The following SESN3 variants were observed in gnomAD, a reference collection of about 807,000 sequenced individuals.
The protein encoded by SESN3 is sestrin-3.
Under a neutral mutation model 55.3 loss-of-function variants are expected in SESN3, and 21 were observed. The ratio of observed to expected loss-of-function variants is 0.38; its 90% CI spans 0.27 to 0.55. SESN3 has a LOEUF of 0.55. Ranked by LOEUF, SESN3 falls within the 20% of genes least tolerant of loss-of-function variation. The pLI is 0.76. For synonymous variants in SESN3, 181 were observed against 203.1 expected (o/e 0.89, Z 0.93); for missense variants, 408 against 604.3 (o/e 0.68, Z 3.41).
At chr11:95,227,093 C>T (rs992755479) in intron 1 of SESN3, among the ~76,000 whole-genome samples, 8 of 151,880 alleles carry the variant, frequency 5.3e-5, no homozygotes, top group Non-Finnish European at 1.0e-4. Flanking sequence ...AGAGCAAATA[C>T]ATTTTATTGG....
chr11:95,215,870 G>A (rs1313754005), intron 1 of SESN3, among the ~76,000 whole-genome samples: 8 of 151,762 alleles, frequency 5.3e-5, no homozygotes, highest in Non-Finnish European at 4.4e-5. Context: ...AGGCCGAGGC[G>A]GGCGGATCAC....
intron 1 of SESN3, among the ~76,000 whole-genome samples, chr11:95,226,205 A>G (rs906528153): frequency 6.6e-6 from 1 of 152,224 alleles, no homozygotes; most frequent in East Asian, 1.9e-4. Flanking sequence ...ATGGAAAAAT[A>G]TATGGACTTG....
intron 6 of SESN3, 167 bp downstream of exon 6, chr11:95,184,253 G>A (rs1026610428): frequency 8.0e-6 from 5 of 626,644 alleles, no homozygotes; most frequent in Non-Finnish European, 1.4e-5. Flanking sequence ...ATTCAAGGAT[G>A]AACCAGCCTG....
chr11:95,225,467 G>A lies in SESN3; in HGVS notation c.78+5316C>T, dbSNP rs115080438. 1.9e-3 allele frequency among the ~76,000 whole-genome samples: 291 copies of A among 152,250 alleles called. 2 individuals carry two copies. Among genetic ancestry groups the A allele is most frequent in the African/African-American group, 6.5e-3 (271 of 41,540 alleles). On this transcript the variant is annotated intron_variant, in intron 1 of 9. Transcript: ENST00000536441. Reference sequence around the variant, plus strand: ...AACCAATATTACCTGGAGAATCTTCGGTATCTTTGGGCATTCCACAGATGG... The same window carrying A: ...AACCAATATTACCTGGAGAATCTTCAGTATCTTTGGGCATTCCACAGATGG...
intron 1 of SESN3, among the ~76,000 whole-genome samples, chr11:95,216,225 A>C (rs903947153): frequency 1.3e-5 from 2 of 152,336 alleles, no homozygotes; most frequent in South Asian, 4.1e-4. Flanking sequence ...GATGATCCAT[A>C]AACAATAAAA....
chr11:95,185,258 C>T lies in SESN3; in HGVS notation c.760G>A (p.Gly254Arg), dbSNP rs762016502. The change falls in exon 5 of 10, where the codon GGG (glycine) becomes AGG (arginine). Residue 254 changes from glycine (G) to arginine (R), a missense_variant and splice_region_variant. Physicochemically the swap from Gly to Arg is moderately radical, Grantham distance 125. Coordinates refer to ENST00000536441, the MANE Select transcript of SESN3 (RefSeq NM_144665.4). ...ENASLSGSNF[G>R]IVDSLSELEA... ...GAAAAATAGCTAAGAAAACTAACCC[C>T]AAAGTTGCTGCCTGAAAGAGATGCA... 1.3e-6 allele frequency: 2 copies of T among 1,589,406 alleles called. No homozygotes were observed. Among genetic ancestry groups the T allele is most frequent in the South Asian group, 1.1e-5 (1 of 89,444 alleles).
Position 95,167,199 on chromosome 11 carries a change from GGC to G in SESN3, c.*6054_*6055del, listed in dbSNP as rs2134200791. ...TTGTGAACAATATTTTAACACTATA[GGC>G]CAGAGAGATTCTCTCTGATATTCTT... On this transcript the variant is annotated 3_prime_UTR_variant, in exon 10 of 10. Coordinates refer to ENST00000536441, the MANE Select transcript of SESN3 (RefSeq NM_144665.4). 1 of 152,150 alleles carries G rather than the reference GGC, an allele frequency of 6.6e-6. No individual in the cohort carries two copies. The highest frequency in any genetic ancestry group is 1.9e-4 in the East Asian group (1 of 5,170). The allele number at this position is 152,150 out of a possible 1,614,324, so 9.4% of individuals were successfully genotyped here.
At chr11:95,190,275 C>T (rs1860242669) in intron 3 of SESN3, among the ~76,000 whole-genome samples, 1 of 151,884 alleles carries the variant, frequency 6.6e-6, no homozygotes. Context: ...ACAAATATAC[C>T]TATTACATTC....
upstream of SESN3, chr11:95,231,447 T>A (rs914056092): frequency 3.5e-6 from 1 of 283,012 alleles, no homozygotes; most frequent in African/African-American, 2.2e-5. Flanking sequence ...AGTAGTAGGG[T>A]AGCAGGGAAC....
intron 1 of SESN3, among the ~76,000 whole-genome samples, chr11:95,215,381 A>C (rs1233491178): frequency 6.6e-6 from 1 of 152,164 alleles, no homozygotes; most frequent in African/African-American, 2.4e-5. Flanking sequence ...CGGAATTGTT[A>C]TTCTTTGCTG....
intron 6 of SESN3, among the ~76,000 whole-genome samples, chr11:95,181,080 A>T (rs1333284194): frequency 6.6e-6 from 1 of 151,990 alleles, no homozygotes; most frequent in Non-Finnish European, 1.5e-5. Context: ...TAATAACTAA[A>T]CTCTATAAAA....
intron 1 of SESN3, among the ~76,000 whole-genome samples, chr11:95,199,738 G>C (rs1282006402): frequency 1.3e-5 from 2 of 151,824 alleles, no homozygotes; most frequent in African/African-American, 4.8e-5. Context: ...TTTATTAAAA[G>C]TGGAAAAGCA....
Position 95,230,872 on chromosome 11 carries a change from G to T in SESN3, c.-12C>A. On this transcript the variant is annotated 5_prime_UTR_variant, in exon 1 of 10. Coordinates refer to ENST00000536441, the MANE Select transcript of SESN3 (RefSeq NM_144665.4). The surrounding 1 kb of genome is among the most constrained non-coding windows in gnomAD (Gnocchi z 4.6). ...CCGCCCCGGTTCATCGTGGCTGCGG[G>T]CGCCGAGGCGAGAGCGGGCGGAGGG... 1.3e-6 allele frequency: 2 copies of T among 1,565,020 alleles called. No homozygotes were observed. The highest frequency in any genetic ancestry group is 1.7e-6 in the Non-Finnish European group (2 of 1,162,610).
At chr11:95,204,488 C>G (rs538749543) in intron 1 of SESN3, among the ~76,000 whole-genome samples, 4 of 151,918 alleles carry the variant, frequency 2.6e-5, no homozygotes, top group East Asian at 1.9e-4. Context: ...CTGTCCCCCC[C>G]CTCAAAATTC....
At chr11:95,178,912 T>C in intron 6 of SESN3, 84 bp from the exon 7 acceptor site, 1 of 747,256 alleles carries the variant, frequency 1.3e-6, no homozygotes, top group Non-Finnish European at 2.2e-6. Flanking sequence ...TCTTCCACTT[T>C]TTAGCTTTTC....
chr11:95,189,324 CTTT>C lies in SESN3; in HGVS notation c.525+452_525+454del, dbSNP rs549392571. Among the ~76,000 whole-genome samples the C allele has an allele frequency of 2.7e-3, 407 of 152,040 alleles. 1 individual carries two copies. The highest frequency in any genetic ancestry group is 0.017 in the Middle Eastern group (5 of 294). On this transcript the variant is annotated intron_variant, in intron 4 of 9. Transcript: ENST00000536441. ...CATTCACACACCAGCTGGCAAATCA[CTTT>C]TTTATTTGCAAAATCATTTTTTGAG...
At chr11:95,193,599 A>C in intron 1 of SESN3, 77 bp from the exon 2 acceptor site, 1 of 801,146 alleles carries the variant, frequency 1.2e-6, no homozygotes, top group Non-Finnish European at 2.1e-6. Context: ...TTTATTGCTA[A>C]GGTACTAAAA....
chr11:95,219,377 T>C (rs1054557620), intron 1 of SESN3, among the ~76,000 whole-genome samples: 17 of 152,236 alleles, frequency 1.1e-4, no homozygotes, highest in Admixed American at 4.6e-4. Context: ...TGTTTTACTT[T>C]ACTAATTTAC....
At chr11:95,220,855 T>C (rs1285723694) in intron 1 of SESN3, among the ~76,000 whole-genome samples, 1 of 152,230 alleles carries the variant, frequency 6.6e-6, no homozygotes, top group Non-Finnish European at 1.5e-5. Context: ...CTGTGAGCCC[T>C]AGTTTCTTTA....
Sources: gnomAD v4.1 joint callset for allele counts (sites outside exome capture counted in the v4.1 genomes callset) on GRCh38, gnomAD v4.1.1 for gene constraint, Gnocchi (gnomAD v3.1) non-coding constraint, MANE v1.5 for transcripts, NCBI Gene and HGNC (gene_info 2026-07-23, HGNC 2026-07-21) for gene names.